The following NPTXR variants were observed in gnomAD, a reference collection of about 807,000 sequenced individuals.
NPTXR encodes the protein neuronal pentraxin receptor.
Under a neutral mutation model 32.2 loss-of-function variants are expected in NPTXR, and 12 were observed. That is an observed-to-expected ratio of 0.37 (90% CI 0.24 to 0.60). The LOEUF (loss-of-function observed/expected upper bound fraction) is 0.60, where lower values mean the gene tolerates loss of function less well. Among genes scored for constraint, NPTXR ranks in the 20% least tolerant of loss-of-function variants. The pLI is 0.66. For synonymous variants in NPTXR, 323 were observed against 315.8 expected (o/e 1.02, Z -0.24); for missense variants, 612 against 682.9 (o/e 0.90, Z 1.16).
intron 1 of NPTXR, among the ~76,000 whole-genome samples, chr22:38,835,156 G>A (rs1333884725): frequency 1.3e-5 from 2 of 152,260 alleles, no homozygotes; most frequent in African/African-American, 2.4e-5. Context: ...GCCAGGTGCT[G>A]TGGCCCCAAA....
rs569785838 is a variant in NPTXR, at chr22:38,825,083, G to A, written c.1098+1417C>T. Among the ~76,000 whole-genome samples the A allele has an allele frequency of 3.9e-5, 6 of 152,304 alleles. No individual in the cohort carries two copies. The South Asian group carries it at 1.2e-3, about 32-fold the overall frequency. On this transcript the variant is annotated intron_variant, in intron 3 of 4. Transcript: ENST00000333039. ...GTGGCAGGTTGGGGAGGAGCTTTAG[G>A]AGTGGATGACAGTGATGAGATGCTC...
intron 2 of NPTXR, among the ~76,000 whole-genome samples, chr22:38,827,615 A>G (rs1480492029): frequency 6.6e-6 from 1 of 151,932 alleles, no homozygotes; most frequent in African/African-American, 2.4e-5. Context: ...GTTCTCCCCA[A>G]CTTGTCTGTA....
At chr22:38,842,593 A>G (rs1031600922) in intron 1 of NPTXR, among the ~76,000 whole-genome samples, 1 of 152,160 alleles carries the variant, frequency 6.6e-6, no homozygotes, top group Non-Finnish European at 1.5e-5. Flanking sequence ...TTCTCCATTC[A>G]GCCCCCACCC....
intron 1 of NPTXR, among the ~76,000 whole-genome samples, chr22:38,833,767 C>T (rs1004773180): frequency 6.6e-6 from 1 of 151,938 alleles, no homozygotes; most frequent in South Asian, 2.1e-4. Flanking sequence ...CTCCGCCCCC[C>T]TGGGGTTCAC....
chr22:38,828,468 T>G lies in NPTXR; in HGVS notation c.669A>C (p.Pro223=). Reference sequence around the variant, plus strand: ...GTAGGCCGGTGGGCACAGCAGAGACTGGGGCTGGGGCAGCTGAGAGGTTCA... The same window carrying G: ...GTAGGCCGGTGGGCACAGCAGAGACGGGGGCTGGGGCAGCTGAGAGGTTCA... Residue 223 remains proline (P), a synonymous_variant, in exon 2 of 5, where the codon CCA becomes CCC. Transcript: ENST00000333039. 2.5e-6 allele frequency: 4 copies of G among 1,609,970 alleles called. No homozygotes were observed. Among genetic ancestry groups the G allele is most frequent in the East Asian group, 4.5e-5 (2 of 44,776 alleles).
At chr22:38,833,707 C>T (rs1439201168) in intron 1 of NPTXR, among the ~76,000 whole-genome samples, 1 of 145,544 alleles carries the variant, frequency 6.9e-6, no homozygotes, top group African/African-American at 2.6e-5. Flanking sequence ...GACAGAGTCT[C>T]GCTGTTGCCC....
At chr22:38,831,476 G>A (rs970022402) in intron 1 of NPTXR, among the ~76,000 whole-genome samples, 1 of 152,172 alleles carries the variant, frequency 6.6e-6, no homozygotes. Flanking sequence ...GAGGACAAGT[G>A]ACAGGCCCTC....
At chr22:38,831,337 G>A (rs897871151) in intron 1 of NPTXR, among the ~76,000 whole-genome samples, 6 of 152,200 alleles carry the variant, frequency 3.9e-5, no homozygotes, top group African/African-American at 1.4e-4. Context: ...AGCCCAGGAG[G>A]TTGAGGCTGC....
At chr22:38,824,379 G>A (rs1201703958) in intron 3 of NPTXR, among the ~76,000 whole-genome samples, 1 of 152,048 alleles carries the variant, frequency 6.6e-6, no homozygotes, top group African/African-American at 2.4e-5. Context: ...GCTGGTCCAC[G>A]CCTTAAATGA....
intron 1 of NPTXR, among the ~76,000 whole-genome samples, chr22:38,831,490 G>A (rs2093116127): frequency 6.6e-6 from 1 of 152,170 alleles, no homozygotes; most frequent in Non-Finnish European, 1.5e-5. Flanking sequence ...GGCCCTCATG[G>A]ACTATAAAAG....
intron 1 of NPTXR, among the ~76,000 whole-genome samples, chr22:38,830,713 A>G (rs962191249): frequency 3.3e-5 from 5 of 152,010 alleles, no homozygotes; most frequent in Admixed American, 6.5e-5. Flanking sequence ...TGCCACTCAC[A>G]CTCAGCAACC....
intron 2 of NPTXR, among the ~76,000 whole-genome samples, chr22:38,827,131 C>A (rs1310303309): frequency 6.6e-6 from 1 of 152,174 alleles, no homozygotes; most frequent in South Asian, 2.1e-4. Context: ...TGCAGCTGTG[C>A]CCCTGCGATG....
chr22:38,843,471 C>G lies in NPTXR; in HGVS notation c.388G>C (p.Ala130Pro). The G allele has an allele frequency of 1.5e-6, 2 of 1,336,320 alleles. No homozygotes were observed. Among genetic ancestry groups the G allele is most frequent in the Non-Finnish European group, 1.9e-6 (2 of 1,047,996 alleles). 82.8% of individuals were successfully genotyped at this position (1,336,320 alleles called of 1,614,324 possible). ...AGCGCCGTCTGGCGCAGCTGCTCGG[C>G]CGTGCTCTGCAGCAGCAGCAGCTCT... Residue 130 changes from alanine to proline, a missense_variant, in exon 1 of 5, where the codon GCC becomes CCC. Coordinates refer to ENST00000333039, the MANE Select transcript of NPTXR (RefSeq NM_014293.4). This position sits in a 1 kb window ranked among gnomAD's most constrained non-coding sequence, Gnocchi z 5.3.
chr22:38,838,841 A>G (rs1310426578), intron 1 of NPTXR, among the ~76,000 whole-genome samples: 1 of 152,026 alleles, frequency 6.6e-6, no homozygotes, highest in Non-Finnish European at 1.5e-5. Context: ...TTGGCCTCCC[A>G]AAGTGCTGGG....
At chr22:38,838,597 TTTGA>T (rs2093127616) in intron 1 of NPTXR, among the ~76,000 whole-genome samples, 1 of 140,296 alleles carries the variant, frequency 7.1e-6, no homozygotes, top group Non-Finnish European at 1.5e-5. Context: ...TTTTTTTTTT[TTTGA>T]GATGGAGTCT....
chr22:38,827,228 CTTTCT>C (rs1263667385), intron 2 of NPTXR, among the ~76,000 whole-genome samples: 2 of 150,106 alleles, frequency 1.3e-5, no homozygotes, highest in Non-Finnish European at 3.0e-5. Flanking sequence ...CTTGGATATT[CTTTCT>C]TTTCTTTTCT....
Position 38,822,252 on chromosome 22 carries a change from T to G in NPTXR, c.*357A>C. 1 of 272,538 alleles carries G rather than the reference T, an allele frequency of 3.7e-6. No individual in the cohort carries two copies. Among genetic ancestry groups the G allele is most frequent in the Non-Finnish European group, 7.2e-6 (1 of 139,444 alleles). 16.9% of individuals were successfully genotyped at this position (272,538 alleles called of 1,614,324 possible). A position where few individuals can be genotyped will look rare whatever the true frequency, so the allele number is the denominator to read the frequency against. The stretch of plus-strand genomic sequence containing the variant: ...CGGGCGGCCACCCCCACCACTGAGA[T>G]AGTGGGGTCCCCCTCATACACAATC... On this transcript the variant is annotated 3_prime_UTR_variant, in exon 5 of 5. Transcript: ENST00000333039.
In NPTXR at chr22:38,843,743, C is replaced by A; in HGVS notation, c.116G>T (p.Gly39Val). The A allele has an allele frequency of 1.0e-6, 1 of 997,004 alleles. No individual in the cohort carries two copies. Among genetic ancestry groups the A allele is most frequent in the Non-Finnish European group, 1.2e-6 (1 of 839,314 alleles). 61.8% of individuals were successfully genotyped at this position (997,004 alleles called of 1,614,324 possible). The change falls in exon 1 of 5, where the codon GGC (glycine) becomes GTC (valine). Residue 39 changes from glycine to valine, a missense_variant. Physicochemically the swap from Gly to Val is moderately radical, Grantham distance 109. Transcript: ENST00000333039. The surrounding 1 kb of genome is among the most constrained non-coding windows in gnomAD (Gnocchi z 5.3). Reference sequence around the variant, plus strand: ...CGAGGCGACCGAAGCATTGTCGGCGCCGCCGGGCAGCGCCCGCGCCGGGCT... The same window carrying A: ...CGAGGCGACCGAAGCATTGTCGGCGACGCCGGGCAGCGCCCGCGCCGGGCT...
intron 1 of NPTXR, among the ~76,000 whole-genome samples, chr22:38,842,424 G>C (rs778868436): frequency 6.6e-6 from 1 of 152,250 alleles, no homozygotes; most frequent in Non-Finnish European, 1.5e-5. Flanking sequence ...TTACAGGGAG[G>C]AAGGTGGCCA....
Sources: gnomAD v4.1 joint callset for allele counts (sites outside exome capture counted in the v4.1 genomes callset) on GRCh38, gnomAD v4.1.1 for gene constraint, Gnocchi (gnomAD v3.1) non-coding constraint, MANE v1.5 for transcripts, NCBI Gene and HGNC (gene_info 2026-07-23, HGNC 2026-07-21) for gene names.